NEK7: variants seen among roughly 807,000 people sequenced by gnomAD.
NEK7 encodes the protein serine/threonine-protein kinase Nek7.
NEK7 carries 18 observed loss-of-function variants against 44.6 expected under a neutral mutation model. That is an observed-to-expected ratio of 0.40 (90% CI 0.28 to 0.60). The LOEUF is 0.60. Among genes scored for constraint, NEK7 ranks in the 20% least tolerant of loss-of-function variants. The pLI is 0.38. For missense variants in NEK7, 256 were observed against 366.5 expected (o/e 0.70, Z 2.46); for synonymous variants, 130 against 121.1 (o/e 1.07, Z -0.48).
intron 1 of NEK7, among the ~76,000 whole-genome samples, chr1:198,209,384 A>G (rs1363494620): frequency 1.3e-5 from 2 of 152,160 alleles, no homozygotes; most frequent in African/African-American, 4.8e-5. Context: ...ATATTTATTT[A>G]CTATATGTTT....
chr1:198,175,608 C>G, intron 1 of NEK7, among the ~76,000 whole-genome samples: 1 of 152,174 alleles, frequency 6.6e-6, no homozygotes, highest in East Asian at 1.9e-4. Context: ...GAATGATTAG[C>G]TTAGTGAGCA....
intron 3 of NEK7, among the ~76,000 whole-genome samples, chr1:198,257,947 A>G (rs575465912): frequency 1.3e-5 from 2 of 152,340 alleles, no homozygotes; most frequent in Admixed American, 6.5e-5. Flanking sequence ...AAAATAGACA[A>G]TAAATCAAAT....
intron 1 of NEK7, among the ~76,000 whole-genome samples, chr1:198,190,382 G>A (rs1307407862): frequency 1.3e-5 from 2 of 152,056 alleles, no homozygotes; most frequent in Non-Finnish European, 2.9e-5. Context: ...AACTGGCAGA[G>A]AGGTGGAATT....
chr1:198,317,306 A>G (rs61705039), intron 9 of NEK7, among the ~76,000 whole-genome samples: 24,781 of 152,172 alleles, frequency 0.16, 3,003 homozygotes, highest in African/African-American at 0.32. Context: ...AAGGTCACCA[A>G]TTGACCTGTC....
At chr1:198,219,918 A>G (rs892298256) in intron 1 of NEK7, among the ~76,000 whole-genome samples, 14 of 105,910 alleles carry the variant, frequency 1.3e-4, no homozygotes, top group Non-Finnish European at 1.9e-4. Context: ...TGTAATTAAT[A>G]TGTGCTTTTT....
Position 198,250,019 on chromosome 1 carries a change from C to G in NEK7, c.58-3021C>G, listed in dbSNP as rs901763680. Among the ~76,000 whole-genome samples the G allele has an allele frequency of 1.1e-4, 16 of 141,686 alleles. No individual in the cohort carries two copies. The South Asian group carries it at 1.2e-3, about 11-fold the overall frequency. 93.0% of individuals were successfully genotyped at this position (141,686 alleles called of 152,430 possible). A position where few individuals can be genotyped will look rare whatever the true frequency, so the allele number is the denominator to read the frequency against. ...AGGCTTTTTATGGTTTTAGGTCTAA[C>G]GTTTAAGTCTTTAATCCATCTTGAA... On this transcript the variant is annotated intron_variant, in intron 2 of 9. Transcript: ENST00000367385.
intron 1 of NEK7, among the ~76,000 whole-genome samples, chr1:198,221,779 C>T: frequency 6.6e-6 from 1 of 151,812 alleles, no homozygotes; most frequent in East Asian, 1.9e-4. Flanking sequence ...AAAGTGTATA[C>T]TTAGCATGAT....
At chr1:198,265,669 C>T (rs1653629211) in intron 5 of NEK7, among the ~76,000 whole-genome samples, 1 of 152,048 alleles carries the variant, frequency 6.6e-6, no homozygotes, top group Admixed American at 6.6e-5. Context: ...TACTGTTTAG[C>T]TTCCTAGATT....
At chr1:198,248,839 C>CT (rs567962892) in intron 2 of NEK7, among the ~76,000 whole-genome samples, 9 of 151,564 alleles carry the variant, frequency 5.9e-5, no homozygotes, top group African/African-American at 1.9e-4. Flanking sequence ...ATAAGGAGTT[C>CT]TTTTTTTGTG....
At chr1:198,191,323 T>C (rs1665065789) in intron 1 of NEK7, among the ~76,000 whole-genome samples, 1 of 152,072 alleles carries the variant, frequency 6.6e-6, no homozygotes, top group South Asian at 2.1e-4. Context: ...CCTTGTTTTA[T>C]TTTGACAGAA....
intron 1 of NEK7, among the ~76,000 whole-genome samples, chr1:198,202,009 G>A (rs1025261695): frequency 1.3e-5 from 2 of 152,204 alleles, no homozygotes; most frequent in African/African-American, 2.4e-5. Context: ...CCAAGCTAAA[G>A]TTTCATATCT....
chr1:198,234,734 C>G (rs1412768299), intron 2 of NEK7, among the ~76,000 whole-genome samples: 2 of 152,178 alleles, frequency 1.3e-5, no homozygotes, highest in African/African-American at 4.8e-5. Context: ...GTTTATGCCT[C>G]CTGCTGCTGC....
At chr1:198,237,715 C>T (rs1666576104) in intron 2 of NEK7, among the ~76,000 whole-genome samples, 3 of 152,124 alleles carry the variant, frequency 2.0e-5, no homozygotes, top group South Asian at 4.1e-4. Context: ...TAATCTATTC[C>T]CAATACAGCA....
intron 9 of NEK7, among the ~76,000 whole-genome samples, chr1:198,306,565 C>G (rs1488420106): frequency 6.6e-6 from 1 of 152,090 alleles, no homozygotes; most frequent in Non-Finnish European, 1.5e-5. Flanking sequence ...TTCATGATGG[C>G]AGGAGCACAA....
chr1:198,180,419 A>G (rs750051016), intron 1 of NEK7, among the ~76,000 whole-genome samples: 1 of 151,966 alleles, frequency 6.6e-6, no homozygotes, highest in Non-Finnish European at 1.5e-5. Context: ...AGAGGTTTGG[A>G]TGAGGTTTCT....
chr1:198,271,879 A>G (rs1653855174), intron 5 of NEK7, among the ~76,000 whole-genome samples: 1 of 145,402 alleles, frequency 6.9e-6, no homozygotes, highest in African/African-American at 2.5e-5. Context: ...ATTATTTTAT[A>G]TATATATAAA....
intron 9 of NEK7, among the ~76,000 whole-genome samples, chr1:198,302,358 T>G (rs1171983216): frequency 6.6e-6 from 1 of 151,902 alleles, no homozygotes; most frequent in East Asian, 1.9e-4. Context: ...CTCTCCTTTT[T>G]TTTTTTTTTT....
At chr1:198,182,680 A>C (rs1664803241) in intron 1 of NEK7, among the ~76,000 whole-genome samples, 2 of 152,160 alleles carry the variant, frequency 1.3e-5, no homozygotes, top group African/African-American at 4.8e-5. Flanking sequence ...TCTTTGTTTT[A>C]TTACGTGCTA....
At chr1:198,158,608 G>T (rs1434936021) in intron 1 of NEK7, among the ~76,000 whole-genome samples, 7 of 152,200 alleles carry the variant, frequency 4.6e-5, no homozygotes, top group Non-Finnish European at 8.8e-5. Context: ...GGGACAACCG[G>T]TCAAACCCTG....
Sources: gnomAD v4.1 joint callset for allele counts (sites outside exome capture counted in the v4.1 genomes callset) on GRCh38, gnomAD v4.1.1 for gene constraint, MANE v1.5 for transcripts, NCBI Gene and HGNC (gene_info 2026-07-23, HGNC 2026-07-21) for gene names.